Variants in CBFA2T3 observed in about 807,000 individuals in gnomAD.
CBFA2T3 encodes the protein CBFA2/RUNX1 partner transcriptional co-repressor 3, also known as transcriptional corepressor CBFA2T3.
A neutral mutation model predicts 58.6 loss-of-function variants in CBFA2T3; 31 were observed. The ratio of observed to expected loss-of-function variants is 0.53; its 90% CI spans 0.40 to 0.71. The LOEUF (loss-of-function observed/expected upper bound fraction) is 0.71. CBFA2T3 is among the 30% of genes least tolerant of loss of function. CBFA2T3 has a pLI of 0.00. For synonymous variants in CBFA2T3, 531 were observed against 421.9 expected, an observed-to-expected ratio of 1.26 and a Z score of -3.17; for missense variants, 1,076 against 963.1, an observed-to-expected ratio of 1.12 and a Z score of -1.55.
intron 1 of CBFA2T3, among the ~76,000 whole-genome samples, chr16:88,905,021 G>C: frequency 6.6e-6 from 1 of 152,244 alleles, no homozygotes; most frequent in Middle Eastern, 3.4e-3. Context: ...AAGTGACAAG[G>C]ACCCTCAGAG....
chr16:88,892,267 G>T lies in CBFA2T3; in HGVS notation c.598C>A (p.Arg200Ser), dbSNP rs1235312782. 2 of 1,610,952 alleles carry T rather than the reference G, an allele frequency of 1.2e-6. No homozygotes were observed. The highest frequency in any genetic ancestry group is 1.3e-5 in the African/African-American group (1 of 75,022). The change falls in exon 4 of 12, where the codon CGC (arginine) becomes AGC (serine). Residue 200 changes from arginine to serine, a missense_variant. Transcript: ENST00000268679. ...DISPEIGERVRTLVLGLVNST... is the reference protein window; with the variant it reads ...DISPEIGERVSTLVLGLVNST... Reference sequence around the variant, plus strand: ...ACCACCAGGCCCAGCACCAGTGTGCGCACGCGCTCCCCAATCTCTGGGGAG... The same window carrying T: ...ACCACCAGGCCCAGCACCAGTGTGCTCACGCGCTCCCCAATCTCTGGGGAG...
intron 1 of CBFA2T3, among the ~76,000 whole-genome samples, chr16:88,972,363 G>A (rs1221379556): frequency 1.3e-5 from 2 of 152,142 alleles, no homozygotes; most frequent in Non-Finnish European, 2.9e-5. Context: ...TTGTCCCACC[G>A]TCCACTCTCC....
chr16:88,914,996 C>A (rs1274229714), intron 1 of CBFA2T3, among the ~76,000 whole-genome samples: 1 of 144,232 alleles, frequency 6.9e-6, no homozygotes, highest in East Asian at 2.2e-4. Flanking sequence ...GGGGGTGTGG[C>A]TGCCAGCCGG....
At chr16:88,935,657 C>T (rs903983671) in intron 1 of CBFA2T3, among the ~76,000 whole-genome samples, 1 of 152,182 alleles carries the variant, frequency 6.6e-6, no homozygotes, top group African/African-American at 2.4e-5. Flanking sequence ...TCTGGACCAC[C>T]CCATTTTGCA....
chr16:88,911,968 A>G (rs193046346), intron 1 of CBFA2T3, among the ~76,000 whole-genome samples: 153 of 152,364 alleles, frequency 1.0e-3, no homozygotes, highest in Admixed American at 1.8e-3. Context: ...GCCATCACCA[A>G]CACGAACAGG....
chr16:88,890,588 G>A (rs1969592274), intron 5 of CBFA2T3, among the ~76,000 whole-genome samples: 1 of 152,234 alleles, frequency 6.6e-6, no homozygotes, highest in African/African-American at 2.4e-5. Context: ...CTAGAGATGT[G>A]CAGCCGTCTT....
At chr16:88,922,010 A>G (rs1970937492) in intron 1 of CBFA2T3, among the ~76,000 whole-genome samples, 1 of 152,206 alleles carries the variant, frequency 6.6e-6, no homozygotes, top group Non-Finnish European at 1.5e-5. Context: ...GGGTTAAATC[A>G]CTGGGACAGG....
Position 88,956,171 on chromosome 16 carries a change from G to A in CBFA2T3, c.151+20486C>T, listed in dbSNP as rs1218875356. 2.0e-5 allele frequency among the ~76,000 whole-genome samples: 3 copies of A among 152,374 alleles called. No individual in the cohort carries two copies. In the East Asian group the frequency reaches 5.8e-4, roughly 29 times the overall value. On this transcript the variant is annotated intron_variant, in intron 1 of 11. Transcript: ENST00000268679. The stretch of plus-strand genomic sequence containing the variant: ...TCTGCCAGGAGAGCCGTGGAGGGCA[G>A]CCGCCTGGCCCCAGCCCGAGGCCAT...
In CBFA2T3 at chr16:88,901,619, C is replaced by T. The variant is rs747472449; in HGVS notation, c.189G>A (p.Pro63=). Residue 63 remains proline, a synonymous_variant, in exon 2 of 12, where the codon CCG becomes CCA. Coordinates refer to ENST00000268679, the MANE Select transcript of CBFA2T3 (RefSeq NM_005187.6). ...GCGTCTTCACCTCCGCTGGGGAGTC[C>T]GGCATCGCTGAGGCCTTAGCTTTCC... ...VDRKAKASAM[P]DSPAEVKTQP... 19 of 1,526,274 alleles carry T rather than the reference C, an allele frequency of 1.2e-5. No homozygotes were observed. The highest frequency in any genetic ancestry group is 1.7e-5 in the Non-Finnish European group (19 of 1,148,990). 94.5% of individuals were successfully genotyped at this position (1,526,274 alleles called of 1,614,324 possible). A position where few individuals can be genotyped will look rare whatever the true frequency, so the allele number is the denominator to read the frequency against.
At chr16:88,920,000 C>T (rs2142732718) in intron 1 of CBFA2T3, among the ~76,000 whole-genome samples, 1 of 152,380 alleles carries the variant, frequency 6.6e-6, no homozygotes, top group South Asian at 2.1e-4. Flanking sequence ...TAGTGCCAGT[C>T]TGTAAACCAG....
At chr16:88,883,746 CG>C (rs1969236603) in intron 7 of CBFA2T3, 1 of 151,550 alleles carries the variant, frequency 6.6e-6, no homozygotes, top group Non-Finnish European at 1.5e-5. Context: ...GAGTGATGCC[CG>C]GCAGTGGCCA....
At chr16:88,934,470 AG>A (rs1971430162) in intron 1 of CBFA2T3, among the ~76,000 whole-genome samples, 1 of 152,242 alleles carries the variant, frequency 6.6e-6, no homozygotes, top group Admixed American at 6.5e-5. Flanking sequence ...CCACACAGAG[AG>A]GGTCTCAGCC....
At chr16:88,910,411 C>T (rs1356542326) in intron 1 of CBFA2T3, among the ~76,000 whole-genome samples, 1 of 152,232 alleles carries the variant, frequency 6.6e-6, no homozygotes, top group Non-Finnish European at 1.5e-5. Context: ...GCTGGGCTTC[C>T]TCTACAGCCT....
chr16:88,894,564 A>ACATG (rs1399386664), intron 3 of CBFA2T3, among the ~76,000 whole-genome samples: 1 of 148,290 alleles, frequency 6.7e-6, no homozygotes, highest in Non-Finnish European at 1.5e-5. Context: ...ATGCACACAC[A>ACATG]CATGCACACA....
intron 1 of CBFA2T3, among the ~76,000 whole-genome samples, chr16:88,918,637 C>T (rs1970816135): frequency 6.6e-6 from 1 of 152,266 alleles, no homozygotes. Flanking sequence ...CCTCCAATGC[C>T]TCCAGGAGGG....
chr16:88,891,713 C>A (rs1040144816), intron 5 of CBFA2T3, among the ~76,000 whole-genome samples, 169 bp downstream of exon 5: 6 of 152,276 alleles, frequency 3.9e-5, no homozygotes, highest in South Asian at 2.1e-4. Flanking sequence ...TAGGGTACCA[C>A]AGGGTCCCAG....
At chr16:88,946,360 G>A (rs1033193411) in intron 1 of CBFA2T3, among the ~76,000 whole-genome samples, 6 of 152,062 alleles carry the variant, frequency 3.9e-5, no homozygotes, top group Admixed American at 3.9e-4. Context: ...ATCTGAAAAG[G>A]CTATATACTG....
chr16:88,875,316 C>CG lies in CBFA2T3; in HGVS notation c.*1659_*1660insC, dbSNP rs1968789877. Reference sequence around the variant, plus strand: ...TATTTCCTTCTTGAAATCGCTGAGGCAGTTGAGAGGAGTGGAGGGAGGGTG... The same window carrying CG: ...TATTTCCTTCTTGAAATCGCTGAGGCGAGTTGAGAGGAGTGGAGGGAGGGTG... On this transcript the variant is annotated 3_prime_UTR_variant, in exon 12 of 12. Coordinates refer to ENST00000268679, the MANE Select transcript of CBFA2T3 (RefSeq NM_005187.6). 5.3e-6 allele frequency: 1 copy of CG among 186,980 alleles called. No homozygotes were observed. Among genetic ancestry groups the CG allele is most frequent in the Admixed American group, 6.4e-5 (1 of 15,674 alleles). The allele number at this position is 186,980 out of a possible 1,614,324, so 11.6% of individuals were successfully genotyped here. A position where few individuals can be genotyped will look rare whatever the true frequency, so the allele number is the denominator to read the frequency against.
Position 88,900,107 on chromosome 16 carries a change from C to G in CBFA2T3, c.304+1397G>C, listed in dbSNP as rs530436707. ...ACCTGCACGCTGGGCCCGCCGTCCCCCAGGACCTGCAAAATCGTGAGTGCG... is the reference window on the plus strand; with the variant it reads ...ACCTGCACGCTGGGCCCGCCGTCCCGCAGGACCTGCAAAATCGTGAGTGCG... On this transcript the variant is annotated intron_variant, in intron 2 of 11. Transcript: ENST00000268679. Among the ~76,000 whole-genome samples, 13 of 152,256 alleles carry G rather than the reference C, an allele frequency of 8.5e-5. No homozygotes were observed. In the South Asian group the frequency reaches 2.7e-3, roughly 32 times the overall value.
Sources: gnomAD v4.1 joint callset for allele counts (sites outside exome capture counted in the v4.1 genomes callset) on GRCh38, gnomAD v4.1.1 for gene constraint, MANE v1.5 for transcripts, NCBI Gene and HGNC (gene_info 2026-07-23, HGNC 2026-07-21) for gene names.